The following MGAT5 variants were observed in gnomAD, a reference collection of about 807,000 sequenced individuals.
MGAT5 encodes alpha-1,6-mannosylglycoprotein 6-beta-N-acetylglucosaminyltransferase A.
Under a neutral mutation model 94.3 loss-of-function variants are expected in MGAT5, and 30 were observed. The ratio of observed to expected loss-of-function variants is 0.32; its 90% CI spans 0.24 to 0.43. MGAT5 has a LOEUF of 0.43. Ranked by LOEUF, MGAT5 falls within the 20% of genes least tolerant of loss-of-function variation. The probability of loss-of-function intolerance (pLI) is 1.00; values close to 1 mark genes in which losing one functional copy is unlikely to be tolerated. For missense variants in MGAT5, 691 were observed against 905.5 expected (o/e 0.76, Z 3.04); for synonymous variants, 310 against 322.9 (o/e 0.96, Z 0.43).
At chr2:134,435,899 C>T (rs1487730470) in intron 14 of MGAT5, among the ~76,000 whole-genome samples, 3 of 152,130 alleles carry the variant, frequency 2.0e-5, no homozygotes, top group East Asian at 1.9e-4. Context: ...CTCTGAGCAC[C>T]CAATGGGACT....
At chr2:134,402,697 T>C (rs1219512014) in intron 10 of MGAT5, among the ~76,000 whole-genome samples, 1 of 152,236 alleles carries the variant, frequency 6.6e-6, no homozygotes, top group Non-Finnish European at 1.5e-5. Flanking sequence ...GTTGGCTATA[T>C]AATGTATTTC....
intron 1 of MGAT5, among the ~76,000 whole-genome samples, chr2:134,152,623 A>G (rs774132400): frequency 1.3e-5 from 2 of 152,264 alleles, no homozygotes; most frequent in Non-Finnish European, 2.9e-5. Context: ...ATTTTTTACA[A>G]AATAATGAAC....
At chr2:134,161,707 T>A (rs776879835) in intron 1 of MGAT5, among the ~76,000 whole-genome samples, 1 of 152,188 alleles carries the variant, frequency 6.6e-6, no homozygotes, top group Non-Finnish European at 1.5e-5. Context: ...TGTTTGCATA[T>A]CGAGTTCAAT....
At chr2:134,398,959 A>T (rs935897602) in intron 10 of MGAT5, among the ~76,000 whole-genome samples, 1 of 152,244 alleles carries the variant, frequency 6.6e-6, no homozygotes, top group African/African-American at 2.4e-5. Flanking sequence ...GTGCAAACAT[A>T]AAGGTGGATA....
intron 10 of MGAT5, among the ~76,000 whole-genome samples, chr2:134,381,722 A>G (rs369651385): frequency 6.6e-6 from 1 of 152,340 alleles, no homozygotes; most frequent in South Asian, 2.1e-4. Context: ...CAGTTTTCCA[A>G]AATCCTGCCC....
At chr2:134,174,466 A>G (rs1030000360) in intron 1 of MGAT5, among the ~76,000 whole-genome samples, 16 of 152,290 alleles carry the variant, frequency 1.1e-4, no homozygotes, top group Admixed American at 1.0e-3. Context: ...ACATAGCAGC[A>G]TATGAGCTGA....
chr2:134,405,521 G>T (rs911636170), intron 11 of MGAT5, among the ~76,000 whole-genome samples: 4 of 152,162 alleles, frequency 2.6e-5, no homozygotes, highest in Non-Finnish European at 5.9e-5. Flanking sequence ...GTCAGGCTTC[G>T]CATCTATAAC....
At chr2:134,215,230 A>C (rs574384132) in intron 1 of MGAT5, among the ~76,000 whole-genome samples, 6 of 152,354 alleles carry the variant, frequency 3.9e-5, no homozygotes, top group African/African-American at 1.4e-4. Context: ...TTCTGGAAAC[A>C]TTCTAGTATA....
At chr2:134,311,826 G>A (rs1378441242) in intron 2 of MGAT5, among the ~76,000 whole-genome samples, 2 of 152,160 alleles carry the variant, frequency 1.3e-5, no homozygotes, top group Non-Finnish European at 2.9e-5. Flanking sequence ...AGAAATGGAC[G>A]ATAGCATCTT....
intron 1 of MGAT5, among the ~76,000 whole-genome samples, chr2:134,151,455 C>G (rs1687170070): frequency 6.8e-6 from 1 of 148,000 alleles, no homozygotes; most frequent in Non-Finnish European, 1.5e-5. Flanking sequence ...CTCACTCACT[C>G]ACGCCCTATG....
At chr2:134,335,899 T>A (rs1028158726) in intron 4 of MGAT5, among the ~76,000 whole-genome samples, 1 of 152,194 alleles carries the variant, frequency 6.6e-6, no homozygotes, top group Non-Finnish European at 1.5e-5. Flanking sequence ...GTCTTTTAAC[T>A]TTCTGCCATT....
chr2:134,355,297 C>A (rs373234514), intron 9 of MGAT5, among the ~76,000 whole-genome samples: 1 of 152,118 alleles, frequency 6.6e-6, no homozygotes, highest in Non-Finnish European at 1.5e-5. Context: ...TTGTCACATA[C>A]GTACTAAAAT....
At chr2:134,120,408 C>A in intron 1 of MGAT5, 1 of 344,590 alleles carries the variant, frequency 2.9e-6, no homozygotes, top group Non-Finnish European at 5.2e-6. Context: ...GAGGAGAGCC[C>A]GCACCGGGGT....
chr2:134,174,400 G>T (rs1688360125), intron 1 of MGAT5, among the ~76,000 whole-genome samples: 2 of 152,262 alleles, frequency 1.3e-5, no homozygotes, highest in South Asian at 4.1e-4. Context: ...TTATTTGAGG[G>T]CTAGCGCTGG....
intron 14 of MGAT5, among the ~76,000 whole-genome samples, chr2:134,440,459 G>A (rs145599257): frequency 1.9e-3 from 283 of 152,222 alleles, no homozygotes; most frequent in African/African-American, 6.4e-3. Flanking sequence ...GTGAACTGGC[G>A]TGTCTACATG....
At chr2:134,171,160 C>T (rs561176934) in intron 1 of MGAT5, among the ~76,000 whole-genome samples, 25 of 152,196 alleles carry the variant, frequency 1.6e-4, no homozygotes, top group African/African-American at 5.8e-4. Context: ...TGTGTCCGGC[C>T]GAGATATATT....
At chr2:134,207,819 G>GC (rs1320764323) in intron 1 of MGAT5, among the ~76,000 whole-genome samples, 1 of 152,134 alleles carries the variant, frequency 6.6e-6, no homozygotes, top group East Asian at 1.9e-4. Flanking sequence ...GGAGGTCTTT[G>GC]CCCAGAGGCT....
rs1285562204 is a variant in MGAT5 at position 134,387,321 on chromosome 2, TATATATATA to T, written c.1381-15666_1381-15658del. ...TGTATGATATATATATATATATATATATATATATATATTTTTTTTTTTTTTTTTTTTTAC... is the reference window on the plus strand; with the variant it reads ...TGTATGATATATATATATATATATATTATTTTTTTTTTTTTTTTTTTTTAC... On this transcript the variant is annotated intron_variant, in intron 10 of 15. Coordinates refer to ENST00000281923, the MANE Select transcript of MGAT5 (RefSeq NM_002410.5). 4.5e-3 allele frequency among the ~76,000 whole-genome samples: 235 copies of T among 52,610 alleles called. 2 individuals carry two copies. The highest frequency in any genetic ancestry group is 0.013 in the African/African-American group (164 of 12,302). The allele number at this position is 52,610 out of a possible 152,430, so 34.5% of individuals were successfully genotyped here. A position where few individuals can be genotyped will look rare whatever the true frequency, so the allele number is the denominator to read the frequency against.
At chr2:134,390,342 CTTTGTTTG>C (rs141225714) in intron 10 of MGAT5, among the ~76,000 whole-genome samples, 2 of 151,950 alleles carry the variant, frequency 1.3e-5, no homozygotes, top group Non-Finnish European at 2.9e-5. Context: ...ACTTCAGTTA[CTTTGTTTG>C]TTTGTTTGTT....
Sources: gnomAD v4.1 joint callset for allele counts (sites outside exome capture counted in the v4.1 genomes callset) on GRCh38, gnomAD v4.1.1 for gene constraint, MANE v1.5 for transcripts, NCBI Gene and HGNC (gene_info 2026-07-23, HGNC 2026-07-21) for gene names.